Variants in KMT2D observed in about 807,000 individuals in gnomAD.
KMT2D encodes the protein histone-lysine N-methyltransferase 2D.
In KMT2D, 55 loss-of-function variants were observed where a neutral mutation model predicts 512.7. The ratio of observed to expected loss-of-function variants is 0.11; its 90% CI spans 0.09 to 0.13. KMT2D has a LOEUF of 0.13. KMT2D is among the 10% of genes least tolerant of loss of function. The pLI is 1.00. For synonymous variants in KMT2D, 2,995 were observed against 2,904.0 expected, an observed-to-expected ratio of 1.03 and a Z score of -1.01; for missense variants, 6,061 against 7,127.9, an observed-to-expected ratio of 0.85 and a Z score of 5.39.
At position 49,033,255 on chromosome 12, in the gene KMT2D, G is replaced by T. The variant is rs1199585231; in HGVS notation, c.11450C>A (p.Ala3817Asp). The change falls in exon 40 of 55, where the codon GCT (alanine) becomes GAT (aspartate). Residue 3817 changes from alanine to aspartate, a missense_variant. Ala to Asp is a moderately radical substitution (Grantham distance 126, BLOSUM62 -2). Coordinates refer to ENST00000301067, the MANE Select transcript of KMT2D (RefSeq NM_003482.4). ...VAVLQQQHPG[A>D]LGPQGPHRQV... ...TCTGTGAGGGCCCTGGGGGCCCAAA[G>T]CTCCAGGGTGCTGCTGCTGCAACAC... The T allele has an allele frequency of 8.3e-6, 13 of 1,557,314 alleles. No individual in the cohort carries two copies. Among genetic ancestry groups the T allele is most frequent in the Non-Finnish European group, 1.0e-5 (12 of 1,150,386 alleles).
chr12:49,048,472 C>T (rs1937693474), intron 14 of KMT2D, among the ~76,000 whole-genome samples, 187 bp downstream of exon 14: 1 of 152,178 alleles, frequency 6.6e-6, no homozygotes, highest in Admixed American at 6.5e-5. Flanking sequence ...AGCTTAGTGC[C>T]AAGCTCAGAA....
rs374047897 is a variant in KMT2D, at chr12:49,051,103, C to T, written c.2580G>A (p.Leu860=). The T allele has an allele frequency of 1.3e-6, 2 of 1,522,766 alleles. No homozygotes were observed. The highest frequency in any genetic ancestry group is 1.8e-6 in the Non-Finnish European group (2 of 1,137,244). 94.3% of individuals were successfully genotyped at this position (1,522,766 alleles called of 1,614,324 possible). ...HLSPELEKPP[L]SPRPEKPPEE... ...CAGGGGGCTTTTCAGGCCGAGGGGA[C>T]AGGGGTGGCTTCTCAAGCTCAGGGG... Residue 860 remains leucine (L), a synonymous_variant, in exon 11 of 55, where the codon CTG becomes CTA. Coordinates refer to ENST00000301067, the MANE Select transcript of KMT2D (RefSeq NM_003482.4).
Position 49,024,532 on chromosome 12 carries a change from T to G in KMT2D, c.16052+46A>C. On this transcript the variant is annotated intron_variant, in intron 51 of 54. Coordinates refer to ENST00000301067, the MANE Select transcript of KMT2D (RefSeq NM_003482.4). The surrounding 1 kb of genome is among the most constrained non-coding windows in gnomAD (Gnocchi z 4.5). ...TCATAATGGGACCAGAGGATCCCTG[T>G]CAACACCCACACCCACATCCCTTGG... 1 of 1,560,086 alleles carries G rather than the reference T, an allele frequency of 6.4e-7. No individual in the cohort carries two copies.
chr12:49,053,328 G>A lies in KMT2D; in HGVS notation c.840-7C>T. The A allele has an allele frequency of 6.2e-7, 1 of 1,611,196 alleles. No homozygotes were observed. Among genetic ancestry groups the A allele is most frequent in the Admixed American group, 1.7e-5 (1 of 60,030 alleles). On this transcript the variant is annotated splice_polypyrimidine_tract_variant and splice_region_variant and intron_variant, in intron 7 of 54. Coordinates refer to ENST00000301067, the MANE Select transcript of KMT2D (RefSeq NM_003482.4). The stretch of plus-strand genomic sequence containing the variant: ...AGAGTCATTCCCAGGTTTCCTGCAG[G>A]TGCACATGGAACATTACAGTGTCCT...
At position 49,049,227 on chromosome 12, in the gene KMT2D, A is replaced by C. The variant is rs367751308; in HGVS notation, c.3907-9T>G. On this transcript the variant is annotated splice_polypyrimidine_tract_variant and intron_variant, in intron 12 of 54. Transcript: ENST00000301067. ...AAACTGCTGCTGCGACCCTGAGTGA[A>C]AGAAGGGGACAATGACAGGAGCATG... 2.4e-5 allele frequency: 37 copies of C among 1,562,800 alleles called. No homozygotes were observed. The highest frequency in any genetic ancestry group is 3.1e-5 in the Non-Finnish European group (35 of 1,143,256).
rs587778474 is a variant in KMT2D, at chr12:49,031,905, G to A, written c.12800C>T (p.Pro4267Leu). 6.5e-7 allele frequency: 1 copy of A among 1,536,544 alleles called. No homozygotes were observed. The highest frequency in any genetic ancestry group is 1.3e-5 in the South Asian group (1 of 77,936). Residue 4267 changes from proline to leucine, a missense_variant, in exon 40 of 55, where the codon CCT becomes CTT. Coordinates refer to ENST00000301067, the MANE Select transcript of KMT2D (RefSeq NM_003482.4). ...LGCQPQLGGF[P>L]GPQTGPLQEL... ...CTGGAGGGGGCCTGTCTGTGGTCCAGGGAAGCCCCCAAGTTGAGGTTGGCA... is the reference window on the plus strand; with the variant it reads ...CTGGAGGGGGCCTGTCTGTGGTCCAAGGAAGCCCCCAAGTTGAGGTTGGCA...
At position 49,034,491 on chromosome 12, in the gene KMT2D, G is replaced by A. The variant is rs1230189548; in HGVS notation, c.10441-15C>T. On this transcript the variant is annotated splice_polypyrimidine_tract_variant and intron_variant, in intron 37 of 54. Transcript: ENST00000301067. ...GCACTCCGCTCCTGCAATGAGAGAG[G>A]CTGCTAAAGGGTCATTGTTCCCTGC... The A allele has an allele frequency of 6.2e-7, 1 of 1,613,362 alleles. No individual in the cohort carries two copies. The highest frequency in any genetic ancestry group is 1.1e-5 in the South Asian group (1 of 90,956).
Position 49,050,705 on chromosome 12 carries a change from A to G in KMT2D, c.2883T>C (p.Phe961=). The G allele has an allele frequency of 1.9e-6, 3 of 1,613,584 alleles. No homozygotes were observed. The highest frequency in any genetic ancestry group is 2.2e-5 in the South Asian group (2 of 91,060). Residue 961 remains phenylalanine, a synonymous_variant, in exon 12 of 55, where the codon TTT becomes TTC. Coordinates refer to ENST00000301067, the MANE Select transcript of KMT2D (RefSeq NM_003482.4). ...LSPLGELEYP[F]GAKGDSDPES... is the part of the protein sequence containing the mutation. ...CAGGGTCACTGTCCCCTTTGGCACC[A>G]AAGGGGTACTCTAACTCCCCCAAAG...
rs1254805661 is a variant in KMT2D, at chr12:49,054,676, G to A, written c.252C>T (p.Arg84=). The change falls in exon 4 of 55, where the codon CGC becomes CGT. Residue 84 remains arginine, a synonymous_variant. Coordinates refer to ENST00000301067, the MANE Select transcript of KMT2D (RefSeq NM_003482.4). The surrounding 1 kb of genome is among the most constrained non-coding windows in gnomAD (Gnocchi z 6.4). ...PSLHGQRELR[R]FELPFDWPRC... ...GGGGCCAATCAAATGGCAACTCAAA[G>A]CGCCGTAGCTCCCGCTGCCCGTGTA... is the stretch of plus-strand genomic sequence containing the variant. The A allele has an allele frequency of 6.2e-7, 1 of 1,612,662 alleles. No homozygotes were observed. Among genetic ancestry groups the A allele is most frequent in the Admixed American group, 1.7e-5 (1 of 59,802 alleles).
Position 49,054,319 on chromosome 12 carries a change from T to C in KMT2D, c.498A>G (p.Ser166=), listed in dbSNP as rs768557363. The C allele has an allele frequency of 1.6e-5, 25 of 1,592,242 alleles. No homozygotes were observed. Among genetic ancestry groups the C allele is most frequent in the Admixed American group, 5.3e-5 (3 of 56,492 alleles). The change falls in exon 5 of 55, where the codon TCA becomes TCG. Residue 166 remains serine (S), a synonymous_variant. Coordinates refer to ENST00000301067, the MANE Select transcript of KMT2D (RefSeq NM_003482.4). The surrounding 1 kb of genome is among the most constrained non-coding windows in gnomAD (Gnocchi z 6.4). The stretch of plus-strand genomic sequence containing the variant: ...GGCCCAGCCCCACCTGTGAGATCCC[T>C]GAGAAGATGGCCTTGTCCACACCAC... ...ELCGVDKAIF[S]GISQRCSHCT...
Position 49,054,911 on chromosome 12 carries a change from A to G in KMT2D, c.165T>C (p.Pro55=), listed in dbSNP as rs1370362540. The change falls in exon 3 of 55, where the codon CCT becomes CCC. Residue 55 remains proline (P), a synonymous_variant. Transcript: ENST00000301067. This position sits in a 1 kb window ranked among gnomAD's most constrained non-coding sequence, Gnocchi z 6.4. The part of the protein sequence containing the change: ...SSGSPRLQET[P]QDCSGGPVRR... ...CTCAAACAAGCTACCTGCAGTCCTG[A>G]GGAGTCTCCTGAAGCCTGGGACTCC... The G allele has an allele frequency of 6.2e-7, 1 of 1,613,940 alleles. No homozygotes were observed. The highest frequency in any genetic ancestry group is 1.1e-5 in the South Asian group (1 of 91,076).
chr12:49,033,367 T>C lies in KMT2D; in HGVS notation c.11338A>G (p.Ser3780Gly). 3.8e-6 allele frequency: 6 copies of C among 1,583,168 alleles called. No homozygotes were observed. Among genetic ancestry groups the C allele is most frequent in the South Asian group, 3.4e-5 (3 of 87,168 alleles). Residue 3780 changes from serine to glycine, a missense_variant, in exon 40 of 55, where the codon AGC becomes GGC. Ser to Gly is a moderately conservative substitution (Grantham distance 56). Around this residue, in one of 16 missense-constraint regions of KMT2D, gnomAD observed 1,600 missense variants for 1,754.9 expected, o/e 0.91. Transcript: ENST00000301067. ...GPKPQGLMPP[S>G]SHQGLLVQQL... ...TGGACCAGGAGGCCTTGGTGGCTGC[T>C]GGGAGGCATAAGGCCCTGGGGCTTG...
rs368134008 is a variant in KMT2D, at chr12:49,043,392, C to A, written c.5504G>T (p.Arg1835Leu). The A allele has an allele frequency of 6.2e-6, 10 of 1,613,964 alleles. No homozygotes were observed. The highest frequency in any genetic ancestry group is 5.0e-5 in the Admixed American group (3 of 60,024). ...TGTATCGGCTTTGCCCTCGAGGCCA[C>A]GGGATTCTTCATCTGCAATATCTGG... ...DGPDIADEESRGLEGKADTPG... is the reference protein window; with the variant it reads ...DGPDIADEESLGLEGKADTPG... Residue 1835 changes from arginine to leucine, a missense_variant, in exon 25 of 55, where the codon CGT (arginine) becomes CTT (leucine). By Grantham distance (102) the Arg-to-Leu change is moderately radical (BLOSUM62 -2). This residue lies in a region of KMT2D where 640 missense variants were observed against 814.3 expected (regional missense o/e 0.79). Transcript: ENST00000301067.
Position 49,048,081 on chromosome 12 carries a change from C to T in KMT2D, c.4132-12G>A, listed in dbSNP as rs749988780. 3.2e-6 allele frequency: 5 copies of T among 1,563,484 alleles called. No homozygotes were observed. The highest frequency in any genetic ancestry group is 4.4e-6 in the Non-Finnish European group (5 of 1,136,180). The stretch of plus-strand genomic sequence containing the variant: ...ACCACACACATGTCCTGGGGAAACA[C>T]AGAGAAACCCAAATGTCCAACTAGA... On this transcript the variant is annotated splice_polypyrimidine_tract_variant and intron_variant, in intron 14 of 54. Coordinates refer to ENST00000301067, the MANE Select transcript of KMT2D (RefSeq NM_003482.4).
rs772010347 is a variant in KMT2D at position 49,034,284 on chromosome 12, C to A, written c.10523G>T (p.Arg3508Leu). The change falls in exon 39 of 55, where the codon CGG becomes CTG. Residue 3508 changes from arginine to leucine, a missense_variant. Arg to Leu is a moderately radical substitution (Grantham distance 102, BLOSUM62 -2). Coordinates refer to ENST00000301067, the MANE Select transcript of KMT2D (RefSeq NM_003482.4). ...ATGGAACAGCCACTCCTCATACTGC[C>A]GCTGGTCAGCTTCATCTGGGAAAAG... ...AQGVINEADQRQYEEWLFHTQ... is the reference protein window; with the variant it reads ...AQGVINEADQLQYEEWLFHTQ... The A allele has an allele frequency of 1.9e-6, 3 of 1,612,830 alleles. No individual in the cohort carries two copies. Among genetic ancestry groups the A allele is most frequent in the Admixed American group, 1.7e-5 (1 of 59,980 alleles).
chr12:49,042,527 G>A lies in KMT2D; in HGVS notation c.5867+34C>T, dbSNP rs772313253. 8 of 1,604,402 alleles carry A rather than the reference G, an allele frequency of 5.0e-6. No homozygotes were observed. In the East Asian group the frequency reaches 1.1e-4, roughly 22 times the overall value. On this transcript the variant is annotated intron_variant, in intron 28 of 54. Coordinates refer to ENST00000301067, the MANE Select transcript of KMT2D (RefSeq NM_003482.4). This position sits in a 1 kb window ranked among gnomAD's most constrained non-coding sequence, Gnocchi z 4.4. ...CTCAGATGGAGGGAAAGGACAACGA[G>A]GACTGCCCACAAAGGTTACGCAGAG... is the stretch of plus-strand genomic sequence containing the variant.
At position 49,049,173 on chromosome 12, in the gene KMT2D, C is replaced by T. The variant is rs2120631530; in HGVS notation, c.3952G>A (p.Ala1318Thr). 6.2e-7 allele frequency: 1 copy of T among 1,611,160 alleles called. No homozygotes were observed. Among genetic ancestry groups the T allele is most frequent in the Middle Eastern group, 1.6e-4 (1 of 6,062 alleles). ...CGTCCTCTACCACGTCCTCCATGGG[C>T]TCCTCCACGAGGCCGGCGTCTTCCT... Reference protein sequence around the residue: ...FPGRRRPRGGAHGGRGRGRAR... With the variant: ...FPGRRRPRGGTHGGRGRGRAR... Residue 1318 changes from alanine (A) to threonine (T), a missense_variant, in exon 13 of 55, where the codon GCC becomes ACC. Ala to Thr is a moderately conservative substitution (Grantham distance 58). Coordinates refer to ENST00000301067, the MANE Select transcript of KMT2D (RefSeq NM_003482.4).
At chr12:49,025,538 T>C (rs546083466) in intron 49 of KMT2D, among the ~76,000 whole-genome samples, 1 of 152,344 alleles carries the variant, frequency 6.6e-6, no homozygotes, top group South Asian at 2.1e-4. Context: ...CATCTAGGTT[T>C]GTGTAGTACA....
Position 49,046,281 on chromosome 12 carries a change from A to T in KMT2D, c.4562T>A (p.Ile1521Asn). ...TCACCGTTCACAGTGGCGGCACTGG[A>T]TTAGTAGGTCCTCTTCTACGTAAGG... ...HAPYVEEDLL[I>N]QCRHCERWMH... Residue 1521 changes from isoleucine to asparagine, a missense_variant, in exon 17 of 55, where the codon ATC becomes AAC. Physicochemically the swap from Ile to Asn is moderately radical, Grantham distance 149. This residue lies in a region of KMT2D where 640 missense variants were observed against 814.3 expected (regional missense o/e 0.79). Coordinates refer to ENST00000301067, the MANE Select transcript of KMT2D (RefSeq NM_003482.4). This position sits in a 1 kb window ranked among gnomAD's most constrained non-coding sequence, Gnocchi z 4.2. 6.2e-7 allele frequency: 1 copy of T among 1,614,004 alleles called. No homozygotes were observed. The highest frequency in any genetic ancestry group is 8.5e-7 in the Non-Finnish European group (1 of 1,179,882).
Sources: gnomAD v4.1 joint callset for allele counts (sites outside exome capture counted in the v4.1 genomes callset) on GRCh38, gnomAD v4.1.1 for gene constraint, gnomAD v4.1.1 regional missense constraint, Gnocchi (gnomAD v3.1) non-coding constraint, MANE v1.5 for transcripts, NCBI Gene and HGNC (gene_info 2026-07-23, HGNC 2026-07-21) for gene names.